Variants in NBAS observed in about 807,000 individuals in gnomAD.
NBAS encodes NBAS subunit of NRZ tethering complex.
NBAS carries 219 observed loss-of-function variants against 302.5 expected under a neutral mutation model. The observed-to-expected ratio is 0.72, with a 90% CI of 0.65 to 0.81. The LOEUF (loss-of-function observed/expected upper bound fraction) is 0.81, where lower values mean the gene tolerates loss of function less well. Among genes scored for constraint, NBAS ranks in the 30% least tolerant of loss-of-function variants. The pLI is 0.00. For synonymous variants in NBAS, 1,118 were observed against 1,021.6 expected, an observed-to-expected ratio of 1.09 and a Z score of -1.80; for missense variants, 2,932 against 2,841.6, an observed-to-expected ratio of 1.03 and a Z score of -0.72.
the NBAS span, among the ~76,000 whole-genome samples, chr2:14,970,475 G>T: frequency 6.6e-6 from 1 of 152,032 alleles, no homozygotes; most frequent in Admixed American, 6.6e-5. Flanking sequence ...CATATTTGAG[G>T]GTAGAAATAA....
chr2:15,525,059 C>T (rs771155972), intron 9 of NBAS, among the ~76,000 whole-genome samples: 31 of 152,156 alleles, frequency 2.0e-4, no homozygotes, highest in Non-Finnish European at 3.7e-4. Context: ...ACCTATATGG[C>T]TTATTCCACA....
chr2:14,897,937 T>C, the NBAS span, among the ~76,000 whole-genome samples: 1 of 152,260 alleles, frequency 6.6e-6, no homozygotes, highest in East Asian at 1.9e-4. Flanking sequence ...AGGCTTGATG[T>C]TGGACACTTT....
intron 26 of NBAS, among the ~76,000 whole-genome samples, chr2:15,398,936 A>G (rs1329598779): frequency 6.6e-6 from 1 of 152,224 alleles, no homozygotes; most frequent in Non-Finnish European, 1.5e-5. Context: ...TCTGAAGCCA[A>G]GAAAAGCTTT....
chr2:15,228,445 T>C (rs2147915333), intron 47 of NBAS, among the ~76,000 whole-genome samples: 1 of 152,268 alleles, frequency 6.6e-6, no homozygotes, highest in African/African-American at 2.4e-5. Flanking sequence ...CCCTAAAAAT[T>C]GAAAATAGGA....
the NBAS span, among the ~76,000 whole-genome samples, chr2:14,919,621 C>A: frequency 6.6e-6 from 1 of 152,166 alleles, no homozygotes; most frequent in Non-Finnish European, 1.5e-5. Flanking sequence ...CAAAGCCTAC[C>A]ACTGCTTTAT....
At chr2:15,475,926 G>T in intron 13 of NBAS, 46 bp from the exon 14 acceptor site, 1 of 1,439,102 alleles carries the variant, frequency 6.9e-7, no homozygotes, top group Non-Finnish European at 9.6e-7. Context: ...TGCTAATGTG[G>T]TTTAAATTCA....
chr2:15,315,090 C>T (rs555751835), intron 38 of NBAS, among the ~76,000 whole-genome samples: 1 of 152,132 alleles, frequency 6.6e-6, no homozygotes, highest in Non-Finnish European at 1.5e-5. Context: ...GAGGGTTACA[C>T]AGGTGCTGCA....
chr2:14,959,103 G>A, the NBAS span, among the ~76,000 whole-genome samples: 2 of 152,194 alleles, frequency 1.3e-5, no homozygotes, highest in South Asian at 2.1e-4. Flanking sequence ...CAAGACGCCT[G>A]TGTTTGTGTC....
At chr2:14,901,158 T>C in the NBAS span, among the ~76,000 whole-genome samples, 1 of 152,164 alleles carries the variant, frequency 6.6e-6, no homozygotes, top group African/African-American at 2.4e-5. Flanking sequence ...AACAATAATG[T>C]CAGCATATAT....
At chr2:15,010,538 C>A in the NBAS span, among the ~76,000 whole-genome samples, 2 of 152,064 alleles carry the variant, frequency 1.3e-5, no homozygotes, top group African/African-American at 2.4e-5. Context: ...GTGAACCCAA[C>A]CAAGTTCAAG....
chr2:15,237,617 A>G (rs1667656680), intron 45 of NBAS, among the ~76,000 whole-genome samples: 1 of 146,646 alleles, frequency 6.8e-6, no homozygotes, highest in Non-Finnish European at 1.5e-5. Context: ...TTTATCTGAG[A>G]CAGAGTCTCG....
chr2:15,550,584 G>A (rs1573004098), intron 6 of NBAS, among the ~76,000 whole-genome samples: 1 of 132,788 alleles, frequency 7.5e-6, no homozygotes, highest in South Asian at 2.4e-4. Flanking sequence ...CCTTCTTTCT[G>A]TCTTTTCTTT....
the NBAS span, among the ~76,000 whole-genome samples, chr2:14,954,648 G>A: frequency 2.4e-4 from 37 of 152,152 alleles, no homozygotes; most frequent in African/African-American, 8.2e-4. Context: ...TACCATCATG[G>A]CAGAAGGGGA....
chr2:15,270,553 A>G (rs1251512378), intron 44 of NBAS, among the ~76,000 whole-genome samples: 2 of 152,230 alleles, frequency 1.3e-5, no homozygotes, highest in Non-Finnish European at 2.9e-5. Flanking sequence ...TAAGAATATT[A>G]AAGCATCCTG....
At chr2:15,027,730 T>C in the NBAS span, among the ~76,000 whole-genome samples, 1 of 152,226 alleles carries the variant, frequency 6.6e-6, no homozygotes, top group African/African-American at 2.4e-5. Flanking sequence ...TTTTTTTCCA[T>C]TTAGGATAAC....
At chr2:15,437,865 G>A (rs1476778728) in intron 21 of NBAS, among the ~76,000 whole-genome samples, 1 of 152,144 alleles carries the variant, frequency 6.6e-6, no homozygotes, top group Non-Finnish European at 1.5e-5. Flanking sequence ...AAGTGCCACT[G>A]GTATTCAAAG....
the NBAS span, among the ~76,000 whole-genome samples, chr2:15,153,767 T>C: frequency 6.6e-6 from 1 of 152,238 alleles, no homozygotes; most frequent in Non-Finnish European, 1.5e-5. Flanking sequence ...AATTCACTTA[T>C]CTCCTTAAAT....
intron 44 of NBAS, among the ~76,000 whole-genome samples, chr2:15,264,018 A>G (rs550874488): frequency 2.4e-4 from 37 of 152,194 alleles, no homozygotes; most frequent in Non-Finnish European, 5.1e-4. Flanking sequence ...ATTAGGAGAT[A>G]AATCTGTCTG....
chr2:14,784,387 T>G, the NBAS span, among the ~76,000 whole-genome samples: 1 of 152,320 alleles, frequency 6.6e-6, no homozygotes, highest in Admixed American at 6.5e-5. Flanking sequence ...CATGAAGTCC[T>G]TGCCCATGCC....
Sources: gnomAD v4.1 joint callset for allele counts (sites outside exome capture counted in the v4.1 genomes callset) on GRCh38, gnomAD v4.1.1 for gene constraint, MANE v1.5 for transcripts, NCBI Gene and HGNC (gene_info 2026-07-23, HGNC 2026-07-21) for gene names.